MAPK6: variants seen among roughly 807,000 people sequenced by gnomAD.
MAPK6 encodes the protein ERK-3.
MAPK6 carries 19 observed loss-of-function variants against 59.3 expected under a neutral mutation model. The ratio of observed to expected loss-of-function variants is 0.32; its 90% CI spans 0.22 to 0.47. The LOEUF (loss-of-function observed/expected upper bound fraction) is 0.47. Among genes scored for constraint, MAPK6 ranks in the 20% least tolerant of loss-of-function variants. The pLI is 1.00. For missense variants in MAPK6, 724 were observed against 847.9 expected (o/e 0.85, Z 1.81); for synonymous variants, 316 against 290.3 (o/e 1.09, Z -0.90).
At chr15:52,050,870 TAATA>T (rs1369083209) in intron 3 of MAPK6, among the ~76,000 whole-genome samples, 1 of 151,396 alleles carries the variant, frequency 6.6e-6, no homozygotes, top group Non-Finnish European at 1.5e-5. Flanking sequence ...TGTCAAATAA[TAATA>T]AACATATTTA....
chr15:52,060,665 C>G (rs1398604964), intron 4 of MAPK6, among the ~76,000 whole-genome samples: 1 of 152,084 alleles, frequency 6.6e-6, no homozygotes, highest in Non-Finnish European at 1.5e-5. Context: ...GCCTACTAGA[C>G]TATTTTATGG....
chr15:52,048,967 A>C (rs1276290836), intron 2 of MAPK6, among the ~76,000 whole-genome samples: 4 of 152,188 alleles, frequency 2.6e-5, no homozygotes, highest in Non-Finnish European at 5.9e-5. Context: ...AATAAGACTT[A>C]TACTATATAA....
chr15:52,003,504 C>T (rs2057248861), intron 2 of MAPK6, among the ~76,000 whole-genome samples: 1 of 152,226 alleles, frequency 6.6e-6, no homozygotes, highest in African/African-American at 2.4e-5. Flanking sequence ...TGGTAGCTGA[C>T]AGCTGTGTGC....
Position 52,046,424 on chromosome 15 carries a change from C to A in MAPK6, c.-37C>A. The A allele has an allele frequency of 1.4e-6, 2 of 1,476,108 alleles. No individual in the cohort carries two copies. Among genetic ancestry groups the A allele is most frequent in the Middle Eastern group, 1.8e-4 (1 of 5,588 alleles). The allele number at this position is 1,476,108 out of a possible 1,614,324, so 91.4% of individuals were successfully genotyped here. A position where few individuals can be genotyped will look rare whatever the true frequency, so the allele number is the denominator to read the frequency against. ...GTTTTCTTCCTTGTTTACACAAGTT[C>A]AATTTGAAAGGAAAAGGCAATAGTA... On this transcript the variant is annotated 5_prime_UTR_variant, in exon 2 of 6. It introduces an in-frame stop codon into an upstream open reading frame of the 5' UTR. Coordinates refer to ENST00000261845, the MANE Select transcript of MAPK6 (RefSeq NM_002748.4).
At chr15:52,039,670 G>C (rs531687482) in intron 1 of MAPK6, among the ~76,000 whole-genome samples, 2 of 151,480 alleles carry the variant, frequency 1.3e-5, no homozygotes, top group African/African-American at 4.9e-5. Flanking sequence ...TGTGAGCCAC[G>C]ACACCTGGCT....
intron 1 of MAPK6, among the ~76,000 whole-genome samples, chr15:52,030,008 G>A (rs901578381): frequency 1.4e-4 from 21 of 152,208 alleles, no homozygotes; most frequent in Admixed American, 1.4e-3. Flanking sequence ...TGCCTCATGT[G>A]TTCCTTCCTT....
intron 3 of MAPK6, among the ~76,000 whole-genome samples, chr15:52,013,005 AAAAAAAAAAAAAAAAATATATAT>A (rs1323082179): frequency 4.4e-4 from 9 of 20,472 alleles, no homozygotes; most frequent in East Asian, 1.5e-3. Context: ...AAAAAAAAAA[AAAAAAAAAAAAAAAAATATATAT>A]ATATATATAT....
At chr15:52,042,248 A>G (rs970152936) in intron 1 of MAPK6, among the ~76,000 whole-genome samples, 5 of 152,240 alleles carry the variant, frequency 3.3e-5, no homozygotes, top group Admixed American at 1.3e-4. Context: ...AAGCACTGCC[A>G]TTGTAAATCT....
chr15:52,018,265 G>A (rs1268768546), upstream of MAPK6, among the ~76,000 whole-genome samples: 1 of 152,144 alleles, frequency 6.6e-6, no homozygotes, highest in Non-Finnish European at 1.5e-5. Context: ...CTGGCCTCAG[G>A]TGATCTGCCC....
upstream of MAPK6, among the ~76,000 whole-genome samples, chr15:52,016,078 A>G (rs1162230628): frequency 3.5e-3 from 419 of 120,560 alleles, 3 homozygotes; most frequent in African/African-American, 9.1e-3. Context: ...GCGCACACAC[A>G]CACACACACA....
At chr15:52,005,656 C>T (rs2057256370) in intron 3 of MAPK6, among the ~76,000 whole-genome samples, 3 of 152,132 alleles carry the variant, frequency 2.0e-5, no homozygotes, top group Admixed American at 1.3e-4. Context: ...GGGGTGCTTC[C>T]ACACACATTA....
chr15:52,016,070 GCACACACACACA>G (rs1175427042), upstream of MAPK6, among the ~76,000 whole-genome samples: 17 of 55,444 alleles, frequency 3.1e-4, no homozygotes, highest in East Asian at 5.6e-4. Context: ...GCGCGCGCGC[GCACACACACACA>G]CACACACACA....
At chr15:52,054,703 G>C (rs1415433942) in intron 3 of MAPK6, among the ~76,000 whole-genome samples, 1 of 149,154 alleles carries the variant, frequency 6.7e-6, no homozygotes, top group African/African-American at 2.5e-5. Context: ...GAATGAACAA[G>C]GGTAAAGTGT....
At chr15:52,042,104 G>A (rs17612255) in intron 1 of MAPK6, among the ~76,000 whole-genome samples, 1,934 of 152,240 alleles carry the variant, frequency 0.013, 60 homozygotes, top group East Asian at 0.076. Context: ...AGCATTACTC[G>A]CAGCTTACTA....
intron 1 of MAPK6, among the ~76,000 whole-genome samples, chr15:51,974,311 G>T (rs892567411): frequency 3.2e-4 from 49 of 151,640 alleles, no homozygotes; most frequent in African/African-American, 1.2e-3. Context: ...CAGAGATGGA[G>T]AATTTAATCC....
At chr15:52,005,986 A>C (rs1381323407) in intron 3 of MAPK6, among the ~76,000 whole-genome samples, 1 of 152,196 alleles carries the variant, frequency 6.6e-6, no homozygotes, top group East Asian at 1.9e-4. Context: ...GATGGATCTA[A>C]ATTGAAAAGA....
chr15:51,993,476 A>C (rs1006860111), intron 2 of MAPK6, among the ~76,000 whole-genome samples: 2 of 152,236 alleles, frequency 1.3e-5, no homozygotes, highest in African/African-American at 4.8e-5. Context: ...GCAGGAATCA[A>C]GTTTCTCACT....
chr15:52,016,107 C>CACACACACACACACACACAAAAA (rs1267339787), upstream of MAPK6, among the ~76,000 whole-genome samples: 1 of 136,212 alleles, frequency 7.3e-6, no homozygotes, highest in South Asian at 2.5e-4. Flanking sequence ...CACACACACA[C>CACACACACACACACACACAAAAA]AAACTAAAAC....
chr15:52,029,587 T>A (rs1393129508), intron 1 of MAPK6, among the ~76,000 whole-genome samples: 2 of 152,202 alleles, frequency 1.3e-5, no homozygotes, highest in African/African-American at 4.8e-5. Context: ...GGCAGTTGTC[T>A]AAATATACCT....
Sources: gnomAD v4.1 joint callset for allele counts (sites outside exome capture counted in the v4.1 genomes callset) on GRCh38, gnomAD v4.1.1 for gene constraint, MANE v1.5 for transcripts, NCBI Gene and HGNC (gene_info 2026-07-23, HGNC 2026-07-21) for gene names.